The following TNNI3K variants were observed in gnomAD, a reference collection of about 807,000 sequenced individuals.
TNNI3K encodes the protein serine/threonine-protein kinase TNNI3K.
Under a neutral mutation model 114.5 loss-of-function variants are expected in TNNI3K, and 140 were observed. The ratio of observed to expected loss-of-function variants is 1.22; its 90% CI spans 1.07 to 1.41. TNNI3K has a LOEUF of 1.41. Ranked by LOEUF, TNNI3K falls within the 40% of genes most tolerant of loss-of-function variation. The pLI is 0.00. For missense variants in TNNI3K, 1,125 were observed against 1,007.6 expected, an observed-to-expected ratio of 1.12 and a Z score of -1.58; for synonymous variants, 347 against 347.5, an observed-to-expected ratio of 1.00 and a Z score of 0.02.
chr1:74,516,958 G>A (rs867672906), intron 23 of TNNI3K, among the ~76,000 whole-genome samples: 1 of 152,104 alleles, frequency 6.6e-6, no homozygotes, highest in Admixed American at 6.6e-5. Context: ...AAGTCTAAAA[G>A]AAATATTTAC....
chr1:74,276,714 CTT>C (rs1656708412), intron 5 of TNNI3K, among the ~76,000 whole-genome samples: 1 of 152,096 alleles, frequency 6.6e-6, no homozygotes, highest in African/African-American at 2.4e-5. Flanking sequence ...TGACAGGACT[CTT>C]TGTCTCCACA....
chr1:74,363,032 T>G (rs1662053386), intron 11 of TNNI3K, among the ~76,000 whole-genome samples: 1 of 152,078 alleles, frequency 6.6e-6, no homozygotes, highest in Non-Finnish European at 1.5e-5. Context: ...AGTAAATTCT[T>G]AAATATAGGA....
In TNNI3K at chr1:74,393,254, T is replaced by C. The variant is rs149086711; in HGVS notation, c.1772+22862T>C. Among the ~76,000 whole-genome samples, 422 of 146,688 alleles carry C rather than the reference T, an allele frequency of 2.9e-3. 1 individual carries two copies. Among genetic ancestry groups the C allele is most frequent in the Non-Finnish European group, 5.3e-3 (350 of 66,240 alleles). Reference sequence around the variant, plus strand: ...ATATTGAGTTAGTTAGGGATATAGATAGGATGGAAAAGCATTCTGGACAAA... The same window carrying C: ...ATATTGAGTTAGTTAGGGATATAGACAGGATGGAAAAGCATTCTGGACAAA... On this transcript the variant is annotated intron_variant, in intron 17 of 24. Transcript: ENST00000326637.
chr1:74,413,896 T>C (rs1665001144), intron 17 of TNNI3K, among the ~76,000 whole-genome samples: 1 of 152,206 alleles, frequency 6.6e-6, no homozygotes, highest in South Asian at 2.1e-4. Flanking sequence ...TGATTTAACG[T>C]TGATATATTT....
chr1:74,344,095 G>A (rs1045468497), intron 9 of TNNI3K, among the ~76,000 whole-genome samples: 1 of 152,030 alleles, frequency 6.6e-6, no homozygotes, highest in Non-Finnish European at 1.5e-5. Context: ...TAAAAATGAG[G>A]AGATTCTCTT....
intron 13 of TNNI3K, 56 bp downstream of exon 13, chr1:74,368,020 C>T (rs1282450677): frequency 1.4e-6 from 2 of 1,461,374 alleles, no homozygotes; most frequent in East Asian, 5.0e-5. Context: ...ACTATTGCTT[C>T]AAATGTAATT....
intron 23 of TNNI3K, among the ~76,000 whole-genome samples, chr1:74,515,973 T>C (rs17095494): frequency 0.014 from 2,071 of 152,240 alleles, 40 homozygotes; most frequent in African/African-American, 0.045. Context: ...GGACTTGCCT[T>C]TGCAGAAAAT....
intron 5 of TNNI3K, among the ~76,000 whole-genome samples, chr1:74,325,516 CTT>C (rs913667900): frequency 3.3e-5 from 5 of 152,148 alleles, no homozygotes; most frequent in Non-Finnish European, 5.9e-5. Context: ...TATAAGAAAA[CTT>C]ATATTCAAAA....
At position 74,436,469 on chromosome 1, in the gene TNNI3K, C is replaced by G; in HGVS notation, c.1826-5C>G. 1.3e-6 allele frequency: 2 copies of G among 1,575,240 alleles called. No individual in the cohort carries two copies. Among genetic ancestry groups the G allele is most frequent in the Non-Finnish European group, 1.7e-6 (2 of 1,169,530 alleles). ...TTGACGTGATTTATTTTCTCTTTCCCTCAGAATCAAGATTTCTACAGTCTC... is the reference window on the plus strand; with the variant it reads ...TTGACGTGATTTATTTTCTCTTTCCGTCAGAATCAAGATTTCTACAGTCTC... On this transcript the variant is annotated splice_region_variant and splice_polypyrimidine_tract_variant and intron_variant, in intron 18 of 24. Coordinates refer to ENST00000326637, the MANE Select transcript of TNNI3K (RefSeq NM_015978.3).
intron 5 of TNNI3K, among the ~76,000 whole-genome samples, chr1:74,299,845 T>C (rs1239170832): frequency 6.6e-6 from 1 of 152,144 alleles, no homozygotes; most frequent in Non-Finnish European, 1.5e-5. Flanking sequence ...TTGTATGTTA[T>C]CTTCTAGAGC....
chr1:74,300,067 C>T (rs1198865873), intron 5 of TNNI3K, among the ~76,000 whole-genome samples: 2 of 152,108 alleles, frequency 1.3e-5, no homozygotes, highest in East Asian at 1.9e-4. Flanking sequence ...ACTCTTTTGG[C>T]TTTAGAATTA....
rs777225654 is a variant in TNNI3K at position 74,388,545 on chromosome 1, C to T, written c.1772+18153C>T. ...TCATCTCATCCACAACATCGGACTT[C>T]GTCTTTTCTCAGCCACCTGAGATCT... On this transcript the variant is annotated intron_variant, in intron 17 of 24. Coordinates refer to ENST00000326637, the MANE Select transcript of TNNI3K (RefSeq NM_015978.3). Among the ~76,000 whole-genome samples the T allele has an allele frequency of 5.5e-4, 83 of 152,230 alleles. 1 individual carries two copies. Among genetic ancestry groups the T allele is most frequent in the African/African-American group, 1.8e-3 (74 of 41,546 alleles).
At chr1:74,495,113 T>G (rs1245965393) in intron 23 of TNNI3K, among the ~76,000 whole-genome samples, 2 of 152,214 alleles carry the variant, frequency 1.3e-5, no homozygotes, top group Non-Finnish European at 2.9e-5. Context: ...AAGTGTTTTA[T>G]AGCCTTCTGG....
chr1:74,294,086 T>A (rs1388267982), intron 5 of TNNI3K, among the ~76,000 whole-genome samples: 4 of 151,912 alleles, frequency 2.6e-5, no homozygotes, highest in South Asian at 4.1e-4. Flanking sequence ...AGATTGTTGA[T>A]GTTTTTATTT....
At chr1:74,448,227 A>G (rs1018860516) in intron 20 of TNNI3K, among the ~76,000 whole-genome samples, 1 of 122,970 alleles carries the variant, frequency 8.1e-6, no homozygotes, top group African/African-American at 3.4e-5. Context: ...AACCTGCACA[A>G]TGTGCACATG....
chr1:74,403,947 T>G (rs1664490987), intron 17 of TNNI3K, among the ~76,000 whole-genome samples: 1 of 152,304 alleles, frequency 6.6e-6, no homozygotes, highest in South Asian at 2.1e-4. Flanking sequence ...AGTAAATAAT[T>G]GAAATTTCTT....
intron 5 of TNNI3K, among the ~76,000 whole-genome samples, chr1:74,319,610 A>T (rs937813840): frequency 4.6e-5 from 7 of 152,216 alleles, no homozygotes; most frequent in African/African-American, 1.7e-4. Flanking sequence ...CCTCATCTTC[A>T]TCTAGGAGCA....
At chr1:74,262,932 G>A (rs1480740661) in intron 4 of TNNI3K, among the ~76,000 whole-genome samples, 1 of 151,984 alleles carries the variant, frequency 6.6e-6, no homozygotes, top group Non-Finnish European at 1.5e-5. Flanking sequence ...ACTATGCTGT[G>A]TATGCTACTG....
At chr1:74,495,956 A>T (rs539024461) in intron 23 of TNNI3K, among the ~76,000 whole-genome samples, 1 of 152,296 alleles carries the variant, frequency 6.6e-6, no homozygotes, top group South Asian at 2.1e-4. Flanking sequence ...CCAAGGATAT[A>T]AAAATTGATG....
Sources: allele counts gnomAD v4.1 joint callset (sites outside exome capture counted in the v4.1 genomes callset), GRCh38; gene constraint gnomAD v4.1.1; transcripts MANE v1.5; gene names NCBI Gene and HGNC (gene_info 2026-07-23, HGNC 2026-07-21).